Variants in TUBB1 observed in about 807,000 individuals in gnomAD.
TUBB1 encodes tubulin beta-1 chain.
In TUBB1, 28 loss-of-function variants were observed where a neutral mutation model predicts 22.6. That is an observed-to-expected ratio of 1.24 (90% CI 0.92 to 1.70). The LOEUF is 1.70. Among genes scored for constraint, TUBB1 ranks in the 40% most tolerant of loss-of-function variants. TUBB1 has a pLI of 0.00. For missense variants in TUBB1, 577 were observed against 605.5 expected (o/e 0.95, Z 0.49); for synonymous variants, 226 against 238.0 (o/e 0.95, Z 0.46).
chr20:59,019,427 C>A (rs986911287), upstream of TUBB1: 2 of 1,459,460 alleles, frequency 1.4e-6, no homozygotes, highest in African/African-American at 2.8e-5. Context: ...ACTGCAGTGA[C>A]CACAGTTGTG....
Position 59,024,201 on chromosome 20 carries a change from C to T in TUBB1, c.774C>T (p.Val258=), listed in dbSNP as rs767671019. 7.4e-6 allele frequency: 12 copies of T among 1,614,160 alleles called. No homozygotes were observed. Among genetic ancestry groups the T allele is most frequent in the Middle Eastern group, 1.6e-4 (1 of 6,062 alleles). Residue 258 remains valine, a synonymous_variant, in exon 4 of 4, where the codon GTC becomes GTT. Coordinates refer to ENST00000217133, the MANE Select transcript of TUBB1 (RefSeq NM_030773.4). The surrounding 1 kb of genome is among the most constrained non-coding windows in gnomAD (Gnocchi z 4.9). ...TGCGCAAGCTGGCGGTGAACATGGT[C>T]CCCTTCCCCCGCCTGCACTTCTTTA... ...ADLRKLAVNM[V]PFPRLHFFMP... is the part of the protein sequence containing the mutation.
intron 2 of TUBB1, 32 bp downstream of exon 2, chr20:59,022,985 C>T: frequency 3.8e-6 from 6 of 1,573,002 alleles, no homozygotes; most frequent in South Asian, 2.2e-5. Flanking sequence ...GAGCAGTGGT[C>T]CCGCAACTGG....
rs192818475 is a variant in TUBB1, at chr20:59,021,341, T to C, written c.58-1504T>C. ...TTTAAGACACATTTAATTTGGGGTA[T>C]CTTAGAACTTGAATTTATTTATTCT... On this transcript the variant is annotated intron_variant, in intron 1 of 3. Coordinates refer to ENST00000217133, the MANE Select transcript of TUBB1 (RefSeq NM_030773.4). Among the ~76,000 whole-genome samples the C allele has an allele frequency of 3.9e-4, 59 of 152,336 alleles. 1 individual carries two copies. The highest frequency in any genetic ancestry group is 2.3e-3 in the South Asian group (11 of 4,824).
At position 59,023,516 on chromosome 20, in the gene TUBB1, T is replaced by A; in HGVS notation, c.193T>A (p.Leu65Met). 6.2e-7 allele frequency: 1 copy of A among 1,614,238 alleles called. No individual in the cohort carries two copies. The highest frequency in any genetic ancestry group is 8.5e-7 in the Non-Finnish European group (1 of 1,180,042). Residue 65 changes from leucine to methionine, a missense_variant, in exon 3 of 4, where the codon TTG becomes ATG. By Grantham distance (15) the Leu-to-Met change is conservative (BLOSUM62 2). Transcript: ENST00000217133. ...YGRKYVPRAV[L>M]VDLEPGTMDS... ...TAGGAAATATGTGCCCCGAGCAGTC[T>A]TGGTGGACCTAGAACCTGGGACGAT...
chr20:59,019,952 T>C (rs1471138126), intron 1 of TUBB1, among the ~76,000 whole-genome samples: 2 of 152,244 alleles, frequency 1.3e-5, no homozygotes, highest in East Asian at 3.8e-4. Context: ...CATGGCTCAC[T>C]ATAGCCTCAA....
In TUBB1 at chr20:59,024,531, TG is replaced by T. The variant is rs2146377789; in HGVS notation, c.1106del (p.Gly369AlafsTer37). 4 of 1,614,172 alleles carry T rather than the reference TG, an allele frequency of 2.5e-6. No individual in the cohort carries two copies. The highest frequency in any genetic ancestry group is 3.4e-6 in the Non-Finnish European group (4 of 1,180,038). On this transcript the variant is annotated frameshift_variant, in exon 4 of 4. Transcript: ENST00000217133. LOFTEE classifies it low-confidence loss of function (END_TRUNC). This position sits in a 1 kb window ranked among gnomAD's most constrained non-coding sequence, Gnocchi z 4.9. ...GGCTGAGCATGGCCGCCACCTTCAT[TG>T]GCAACAACACGGCCATCCAAGAGAT... Reference protein sequence around the residue: ...RGLSMAATFIGNNTAIQEIFN... With the variant: ...RGLSMAATFIXNNTAIQEIFN...
upstream of TUBB1, among the ~76,000 whole-genome samples, chr20:59,017,034 G>A (rs2091948053): frequency 6.6e-6 from 1 of 152,180 alleles, no homozygotes; most frequent in Non-Finnish European, 1.5e-5. Flanking sequence ...TTGCTGAACT[G>A]CCCTCTCTCC....
rs1004268254 is a variant in TUBB1 at position 59,020,650 on chromosome 20, T to C, written c.57+1071T>C. ...TAAAAAAAATCAATTACTGTTTTAT[T>C]AGTATGCAATTGAAAATTTAAGAAA... is the stretch of plus-strand genomic sequence containing the variant. On this transcript the variant is annotated intron_variant, in intron 1 of 3. Transcript: ENST00000217133. Among the ~76,000 whole-genome samples, 4 of 152,356 alleles carry C rather than the reference T, an allele frequency of 2.6e-5. No individual in the cohort carries two copies. In the East Asian group the frequency reaches 7.7e-4, roughly 29 times the overall value.
In TUBB1 at chr20:59,019,518, C is replaced by G. The variant is rs920054373; in HGVS notation, c.-5C>G. 1 of 1,613,914 alleles carries G rather than the reference C, an allele frequency of 6.2e-7. No individual in the cohort carries two copies. The highest frequency in any genetic ancestry group is 8.5e-7 in the Non-Finnish European group (1 of 1,179,966). On this transcript the variant is annotated 5_prime_UTR_variant, in exon 1 of 4. Transcript: ENST00000217133. ...GAAGATCTCAGACTTGGGCTCAGAG[C>G]AAGGATGCGTGAAATTGTCCATATT...
In TUBB1 at chr20:59,025,216, T is replaced by G; in HGVS notation, c.*433T>G. ...ACTAAGACTCTTTCCTTAGGTTCTTTCCTCTGAGCAAACACTGACTGGCAT... is the reference window on the plus strand; with the variant it reads ...ACTAAGACTCTTTCCTTAGGTTCTTGCCTCTGAGCAAACACTGACTGGCAT... On this transcript the variant is annotated 3_prime_UTR_variant, in exon 4 of 4. Coordinates refer to ENST00000217133, the MANE Select transcript of TUBB1 (RefSeq NM_030773.4). 1 of 259,572 alleles carries G rather than the reference T, an allele frequency of 3.9e-6. No homozygotes were observed. Among genetic ancestry groups the G allele is most frequent in the South Asian group, 4.1e-5 (1 of 24,346 alleles). The allele number at this position is 259,572 out of a possible 1,614,324, so 16.1% of individuals were successfully genotyped here.
chr20:59,018,893 T>C (rs1176393868), upstream of TUBB1, among the ~76,000 whole-genome samples: 1 of 152,182 alleles, frequency 6.6e-6, no homozygotes, highest in African/African-American at 2.4e-5. Flanking sequence ...CCAAGAGACC[T>C]GCAGGACACT....
chr20:59,024,745 G>C lies in TUBB1; in HGVS notation c.1318G>C (p.Glu440Gln). 1 of 1,614,146 alleles carries C rather than the reference G, an allele frequency of 6.2e-7. No individual in the cohort carries two copies. Among genetic ancestry groups the C allele is most frequent in the Non-Finnish European group, 8.5e-7 (1 of 1,180,032 alleles). The change falls in exon 4 of 4, where the codon GAG (glutamate) becomes CAG (glutamine). Residue 440 changes from glutamate (E) to glutamine (Q), a missense_variant. By Grantham distance (29) the Glu-to-Gln change is conservative (BLOSUM62 2). Transcript: ENST00000217133. This position sits in a 1 kb window ranked among gnomAD's most constrained non-coding sequence, Gnocchi z 4.9. ...AVLEEDEEVT[E>Q]EAEMEPEDKG... is the part of the protein sequence containing the mutation. Reference sequence around the variant, plus strand: ...TCTAGAGGAAGATGAAGAGGTCACGGAGGAGGCAGAAATGGAGCCAGAAGA... The same window carrying C: ...TCTAGAGGAAGATGAAGAGGTCACGCAGGAGGCAGAAATGGAGCCAGAAGA...
chr20:59,023,673 CT>C, intron 3 of TUBB1, 31 bp from the exon 4 acceptor site: 1 of 1,614,072 alleles, frequency 6.2e-7, no homozygotes, highest in Middle Eastern at 1.7e-4. Context: ...TTTCACCTTT[CT>C]TCCCCTGCTG....
chr20:59,022,873 G>C lies in TUBB1; in HGVS notation c.86G>C (p.Gly29Ala). 1 of 1,614,108 alleles carries C rather than the reference G, an allele frequency of 6.2e-7. No homozygotes were observed. The highest frequency in any genetic ancestry group is 1.3e-5 in the African/African-American group (1 of 75,002). ...TGGGAGATGATTGGTGAGGAACACG[G>C]GATCGACTTGGCTGGGAGCGACCGC... ...KFWEMIGEEH[G>A]IDLAGSDRGA... The change falls in exon 2 of 4, where the codon GGG (glycine) becomes GCG (alanine). Residue 29 changes from glycine to alanine, a missense_variant. Coordinates refer to ENST00000217133, the MANE Select transcript of TUBB1 (RefSeq NM_030773.4).
In TUBB1 at chr20:59,023,497, A is replaced by G. The variant is rs748738881; in HGVS notation, c.174A>G (p.Lys58=). ...TCCTATTTTTCTACACAGGTAGGAA[A>G]TATGTGCCCCGAGCAGTCTTGGTGG... ...SVYYNEAYGR[K]YVPRAVLVDL... Residue 58 remains lysine, a synonymous_variant, in exon 3 of 4, where the codon AAA becomes AAG. Coordinates refer to ENST00000217133, the MANE Select transcript of TUBB1 (RefSeq NM_030773.4). 6 of 1,614,016 alleles carry G rather than the reference A, an allele frequency of 3.7e-6. No homozygotes were observed. The highest frequency in any genetic ancestry group is 5.1e-6 in the Non-Finnish European group (6 of 1,180,004).
In TUBB1 at chr20:59,024,866, C is replaced by A; in HGVS notation, c.*83C>A. ...GTTTCTCCTGCAGCACTCCAAAACC[C>A]ACTCTGCACTGCAGCACAGTGAATG... On this transcript the variant is annotated 3_prime_UTR_variant, in exon 4 of 4. Coordinates refer to ENST00000217133, the MANE Select transcript of TUBB1 (RefSeq NM_030773.4). The surrounding 1 kb of genome is among the most constrained non-coding windows in gnomAD (Gnocchi z 4.9). The A allele has an allele frequency of 8.3e-7, 1 of 1,211,432 alleles. No homozygotes were observed. 75.0% of individuals were successfully genotyped at this position (1,211,432 alleles called of 1,614,324 possible).
chr20:59,019,842 T>C (rs1462799992), intron 1 of TUBB1, among the ~76,000 whole-genome samples: 1 of 152,240 alleles, frequency 6.6e-6, no homozygotes, highest in Non-Finnish European at 1.5e-5. Context: ...TATCCATAGA[T>C]ACATATGTAC....
At position 59,024,942 on chromosome 20, in the gene TUBB1, G is replaced by A; in HGVS notation, c.*159G>A. ...ACAGGGACTGAGGGAGACAGGTGGG[G>A]AGCAGCTGACAGGCATTAGGGTCTT... On this transcript the variant is annotated 3_prime_UTR_variant, in exon 4 of 4. Coordinates refer to ENST00000217133, the MANE Select transcript of TUBB1 (RefSeq NM_030773.4). This position sits in a 1 kb window ranked among gnomAD's most constrained non-coding sequence, Gnocchi z 4.9. 1 of 727,476 alleles carries A rather than the reference G, an allele frequency of 1.4e-6. No homozygotes were observed. Among genetic ancestry groups the A allele is most frequent in the East Asian group, 2.7e-5 (1 of 37,174 alleles). The allele number at this position is 727,476 out of a possible 1,614,324, so 45.1% of individuals were successfully genotyped here.
upstream of TUBB1, among the ~76,000 whole-genome samples, chr20:59,018,153 T>C (rs1434186237): frequency 6.6e-6 from 1 of 152,228 alleles, no homozygotes; most frequent in African/African-American, 2.4e-5. Flanking sequence ...GGGAGTCCCT[T>C]CCCCATCTTC....
Sources: allele counts gnomAD v4.1 joint callset (sites outside exome capture counted in the v4.1 genomes callset), GRCh38; gene constraint gnomAD v4.1.1; non-coding constraint Gnocchi (gnomAD v3.1); transcripts MANE v1.5; gene names NCBI Gene and HGNC (gene_info 2026-07-23, HGNC 2026-07-21).